Variants in HIVEP1 observed in about 807,000 individuals in gnomAD.
The protein encoded by HIVEP1 is HIVEP zinc finger 1.
HIVEP1 carries 36 observed loss-of-function variants against 180.0 expected under a neutral mutation model. The observed-to-expected ratio is 0.20, with a 90% CI of 0.15 to 0.26. The LOEUF (loss-of-function observed/expected upper bound fraction) is 0.26. Ranked by LOEUF, HIVEP1 falls within the 10% of genes least tolerant of loss-of-function variation. HIVEP1 has a pLI of 1.00. For synonymous variants in HIVEP1, 1,239 were observed against 1,239.0 expected, an observed-to-expected ratio of 1.00 and a Z score of 0.00; for missense variants, 3,143 against 3,268.7, an observed-to-expected ratio of 0.96 and a Z score of 0.94.
At chr6:12,055,416 T>A (rs748915416) in intron 2 of HIVEP1, among the ~76,000 whole-genome samples, 1 of 152,112 alleles carries the variant, frequency 6.6e-6, no homozygotes, top group African/African-American at 2.4e-5. Context: ...GAGGTTGCAG[T>A]GAGCTGAGAT....
In HIVEP1 at chr6:12,160,842, G is replaced by C. The variant is rs1760353074; in HGVS notation, c.6488-597G>C. Among the ~76,000 whole-genome samples the C allele has an allele frequency of 2.6e-5, 4 of 152,320 alleles. No individual in the cohort carries two copies. In the South Asian group the frequency reaches 6.2e-4, roughly 24 times the overall value. On this transcript the variant is annotated intron_variant, in intron 7 of 8. Coordinates refer to ENST00000379388, the MANE Select transcript of HIVEP1 (RefSeq NM_002114.4). ...AGCAGCTTCAGTAAAGTGTGGAGTA[G>C]GATGTGATTGCTGTCTCATCTTAAT... is the stretch of plus-strand genomic sequence containing the variant.
At chr6:12,088,694 C>T (rs1400372469) in intron 2 of HIVEP1, among the ~76,000 whole-genome samples, 2 of 152,096 alleles carry the variant, frequency 1.3e-5, no homozygotes, top group Admixed American at 6.6e-5. Context: ...TCTATGCTGC[C>T]AGCAAGGGAT....
At chr6:12,055,948 A>G (rs1770839296) in intron 2 of HIVEP1, among the ~76,000 whole-genome samples, 1 of 152,232 alleles carries the variant, frequency 6.6e-6, no homozygotes. Flanking sequence ...TACTATATGT[A>G]ATATTCGTGC....
chr6:12,093,144 A>ATT (rs1316204993), intron 3 of HIVEP1, among the ~76,000 whole-genome samples: 1 of 152,198 alleles, frequency 6.6e-6, no homozygotes, highest in African/African-American at 2.4e-5. Flanking sequence ...CCTCAGGCAA[A>ATT]TGGCCTCCTG....
At chr6:12,102,898 G>T (rs1472276691) in intron 3 of HIVEP1, among the ~76,000 whole-genome samples, 1 of 151,430 alleles carries the variant, frequency 6.6e-6, no homozygotes, top group Admixed American at 6.6e-5. Flanking sequence ...AAATGATTTT[G>T]TTTTTTTATG....
At chr6:12,030,297 T>C (rs933555111) in intron 2 of HIVEP1, among the ~76,000 whole-genome samples, 4 of 152,194 alleles carry the variant, frequency 2.6e-5, no homozygotes, top group South Asian at 2.1e-4. Flanking sequence ...TGGAATTTTA[T>C]TGAACTTCTT....
chr6:12,110,015 T>C (rs1368601768), intron 3 of HIVEP1, among the ~76,000 whole-genome samples: 1 of 152,230 alleles, frequency 6.6e-6, no homozygotes, highest in Non-Finnish European at 1.5e-5. Context: ...CCATCAGAGC[T>C]CTTGAATGAC....
At position 12,124,231 on chromosome 6, in the gene HIVEP1, C is replaced by T. The variant is rs1757904112; in HGVS notation, c.4436C>T (p.Ala1479Val). Residue 1479 changes from alanine to valine, a missense_variant, in exon 4 of 9, where the codon GCA becomes GTA. Ala to Val is a moderately conservative substitution (Grantham distance 64). This residue lies in a region of HIVEP1 where 1,357 missense variants were observed against 1,260.5 expected (regional missense o/e 1.08). Transcript: ENST00000379388. ...AGTACATCTTTAGCTGAGTTTTCTG[C>T]AAATACTTTGCACTCTCAGACTCAG... ...LTSTSLAEFS[A>V]NTLHSQTQVK... The T allele has an allele frequency of 6.2e-7, 1 of 1,614,098 alleles. No individual in the cohort carries two copies. Among genetic ancestry groups the T allele is most frequent in the Non-Finnish European group, 8.5e-7 (1 of 1,180,004 alleles).
intron 2 of HIVEP1, among the ~76,000 whole-genome samples, chr6:12,065,946 C>T (rs1314537842): frequency 6.6e-6 from 1 of 152,000 alleles, no homozygotes; most frequent in Non-Finnish European, 1.5e-5. Context: ...TTGGATATCC[C>T]CCAGTAGGGC....
intron 3 of HIVEP1, among the ~76,000 whole-genome samples, chr6:12,107,603 C>T (rs537166971): frequency 1.3e-5 from 2 of 152,304 alleles, no homozygotes; most frequent in African/African-American, 4.8e-5. Flanking sequence ...TTCGGAGTTT[C>T]TGCCTTCTGG....
intron 4 of HIVEP1, among the ~76,000 whole-genome samples, chr6:12,127,587 T>C (rs1267353565): frequency 6.6e-6 from 1 of 152,148 alleles, no homozygotes; most frequent in Non-Finnish European, 1.5e-5. Context: ...GAGATTCTTT[T>C]GTGTAGAGTA....
At chr6:12,196,908 G>A in the HIVEP1 span, among the ~76,000 whole-genome samples, 1,809 of 152,280 alleles carry the variant, frequency 0.012, 16 homozygotes, top group Non-Finnish European at 0.018. Flanking sequence ...GATTTATTGA[G>A]TACTTACTTT....
chr6:12,143,254 C>T lies in HIVEP1; in HGVS notation c.6487+7362C>T, dbSNP rs1759162215. Among the ~76,000 whole-genome samples the T allele has an allele frequency of 2.6e-5, 4 of 152,226 alleles. No homozygotes were observed. The South Asian group carries it at 8.3e-4, about 32-fold the overall frequency. On this transcript the variant is annotated intron_variant, in intron 7 of 8. Transcript: ENST00000379388. ...ACATATGCAAATCAATAAACATAATCCATCACATAAACAGAACCAATGACA... is the reference window on the plus strand; with the variant it reads ...ACATATGCAAATCAATAAACATAATTCATCACATAAACAGAACCAATGACA...
At chr6:12,196,312 G>T in the HIVEP1 span, among the ~76,000 whole-genome samples, 1 of 152,122 alleles carries the variant, frequency 6.6e-6, no homozygotes, top group Non-Finnish European at 1.5e-5. Context: ...TCCAATAAGA[G>T]GTATGTTCTA....
chr6:12,098,739 C>T (rs1416258963), intron 3 of HIVEP1, among the ~76,000 whole-genome samples: 1 of 152,028 alleles, frequency 6.6e-6, no homozygotes, highest in Non-Finnish European at 1.5e-5. Flanking sequence ...AAATTGAAGA[C>T]AGATAAAGAA....
the HIVEP1 span, among the ~76,000 whole-genome samples, chr6:12,209,288 C>T: frequency 6.6e-6 from 1 of 152,144 alleles, no homozygotes; most frequent in African/African-American, 2.4e-5. Flanking sequence ...AAAAAATTAG[C>T]CTGGTGTGGT....
rs527301016 is a variant in HIVEP1, at chr6:12,132,168, G to A, written c.6385+1226G>A. ...TGTAGAACCTCCCTCTGTCATTGGA[G>A]GGTGAGTTTAAGGATGATTTTCCTT... On this transcript the variant is annotated intron_variant, in intron 6 of 8. Transcript: ENST00000379388. Among the ~76,000 whole-genome samples the A allele has an allele frequency of 2.0e-5, 3 of 152,294 alleles. No individual in the cohort carries two copies. In the South Asian group the frequency reaches 6.2e-4, roughly 32 times the overall value.
At chr6:12,064,845 C>G (rs1402874752) in intron 2 of HIVEP1, among the ~76,000 whole-genome samples, 1 of 152,160 alleles carries the variant, frequency 6.6e-6, no homozygotes, top group Non-Finnish European at 1.5e-5. Flanking sequence ...TTTGATTTTC[C>G]ATCCCGATTT....
At chr6:12,172,789 CTTT>C in the HIVEP1 span, among the ~76,000 whole-genome samples, 1 of 138,632 alleles carries the variant, frequency 7.2e-6, no homozygotes. Context: ...AAACACGGTC[CTTT>C]TTTTTTTTTT....
Sources: gnomAD v4.1 joint callset for allele counts (sites outside exome capture counted in the v4.1 genomes callset) on GRCh38, gnomAD v4.1.1 for gene constraint, gnomAD v4.1.1 regional missense constraint, MANE v1.5 for transcripts, NCBI Gene and HGNC (gene_info 2026-07-23, HGNC 2026-07-21) for gene names.